CSGALNACT1: variants seen among roughly 807,000 people sequenced by gnomAD.
The protein encoded by CSGALNACT1 is chondroitin sulfate N-acetylgalactosaminyltransferase 1.
CSGALNACT1 carries 52 observed loss-of-function variants against 51.0 expected under a neutral mutation model. The ratio of observed to expected loss-of-function variants is 1.02; its 90% CI spans 0.82 to 1.29. The LOEUF is 1.29. Ranked by LOEUF, CSGALNACT1 falls within the 50% of genes most tolerant of loss-of-function variation. The pLI is 0.00. For synonymous variants in CSGALNACT1, 341 were observed against 254.4 expected, an observed-to-expected ratio of 1.34 and a Z score of -3.24; for missense variants, 935 against 679.2, an observed-to-expected ratio of 1.38 and a Z score of -4.19.
At chr8:19,682,719 C>A, upstream of CSGALNACT1, 1 of 454,108 alleles carries the variant, frequency 2.2e-6, no homozygotes, top group South Asian at 1.6e-5. Flanking sequence ...GGGGCCACAC[C>A]AATGCACAGC....
chr8:19,680,999 T>C (rs1362836497), intron 1 of CSGALNACT1, among the ~76,000 whole-genome samples: 2 of 152,126 alleles, frequency 1.3e-5, no homozygotes, highest in Non-Finnish European at 2.9e-5. Context: ...ACAGACTGTA[T>C]ACAAGACGAT....
chr8:19,619,412 T>C lies in CSGALNACT1; in HGVS notation c.-543-17547A>G, dbSNP rs138513183. ...GAACCTCTGCGAAGGGATGGAGCCA[T>C]GTCCTAAGTGCAATGGAGTCGCAAA... On this transcript the variant is annotated intron_variant, in intron 1 of 9. Coordinates refer to the CSGALNACT1 transcript ENST00000332246. 8.7e-3 allele frequency among the ~76,000 whole-genome samples: 1,318 copies of C among 152,164 alleles called. 21 individuals carry two copies. The highest frequency in any genetic ancestry group is 0.03 in the African/African-American group (1,244 of 41,502).
At chr8:19,423,072 A>T (rs939902895) in intron 6 of CSGALNACT1, among the ~76,000 whole-genome samples, 2 of 152,198 alleles carry the variant, frequency 1.3e-5, no homozygotes, top group Non-Finnish European at 2.9e-5. Context: ...CTGACTCATA[A>T]TTCAGGTACC....
At chr8:19,560,747 G>A (rs2040522435) in intron 3 of CSGALNACT1, among the ~76,000 whole-genome samples, 1 of 152,182 alleles carries the variant, frequency 6.6e-6, no homozygotes, top group South Asian at 2.1e-4. Flanking sequence ...AACACCACTT[G>A]GAACACAGGA....
At chr8:19,703,112 C>T (rs1275990683) in intron 1 of CSGALNACT1, among the ~76,000 whole-genome samples, 2 of 152,084 alleles carry the variant, frequency 1.3e-5, no homozygotes, top group Non-Finnish European at 2.9e-5. Context: ...AGTGTCCCTC[C>T]AATAGGATGC....
intron 4 of CSGALNACT1, among the ~76,000 whole-genome samples, chr8:19,487,256 A>G (rs949556484): frequency 9.9e-5 from 15 of 152,074 alleles, no homozygotes; most frequent in African/African-American, 3.4e-4. Context: ...AAGACAAACA[A>G]TTTCACTCCC....
At chr8:19,600,021 T>C (rs2050056128) in intron 2 of CSGALNACT1, among the ~76,000 whole-genome samples, 1 of 152,200 alleles carries the variant, frequency 6.6e-6, no homozygotes, top group Non-Finnish European at 1.5e-5. Flanking sequence ...GTTAAACATA[T>C]CCTTCATAGA....
chr8:19,431,057 T>G (rs1336626608), intron 6 of CSGALNACT1, among the ~76,000 whole-genome samples: 2 of 152,174 alleles, frequency 1.3e-5, no homozygotes, highest in African/African-American at 4.8e-5. Context: ...GAATTTGTTC[T>G]TAGCTCTAAT....
chr8:19,739,694 T>C (rs1372274483), intron 1 of CSGALNACT1, among the ~76,000 whole-genome samples: 1 of 152,184 alleles, frequency 6.6e-6, no homozygotes, highest in East Asian at 1.9e-4. Context: ...CGTGATGTGA[T>C]GGCTGGAGCT....
At chr8:19,721,514 A>C (rs563198526) in intron 1 of CSGALNACT1, among the ~76,000 whole-genome samples, 1 of 152,234 alleles carries the variant, frequency 6.6e-6, no homozygotes, top group Non-Finnish European at 1.5e-5. Flanking sequence ...ATAATCATAA[A>C]GCCTGATGGA....
At chr8:19,522,590 A>T (rs144115933) in intron 3 of CSGALNACT1, among the ~76,000 whole-genome samples, 339 of 152,302 alleles carry the variant, frequency 2.2e-3, no homozygotes, top group Non-Finnish European at 3.6e-3. Flanking sequence ...AATAGATTCC[A>T]TAGTTGTACA....
In CSGALNACT1 at chr8:19,732,150, A is replaced by T. The variant is rs2063726802; in HGVS notation, c.-297+25700T>A. Among the ~76,000 whole-genome samples, 5 of 152,186 alleles carry T rather than the reference A, an allele frequency of 3.3e-5. No homozygotes were observed. In the South Asian group the frequency reaches 1.0e-3, roughly 31 times the overall value. On this transcript the variant is annotated intron_variant, in intron 1 of 1. Transcript: ENST00000517494. Reference sequence around the variant, plus strand: ...AATCAGTTCTCCCTTTTTTCTAGAAATTAGTGTGCTTAAAACGGCACGTTA... The same window carrying T: ...AATCAGTTCTCCCTTTTTTCTAGAATTTAGTGTGCTTAAAACGGCACGTTA...
intron 3 of CSGALNACT1, among the ~76,000 whole-genome samples, chr8:19,576,829 T>G (rs2154117030): frequency 6.6e-6 from 1 of 152,234 alleles, no homozygotes; most frequent in Middle Eastern, 3.4e-3. Context: ...GATCATGAAT[T>G]TGAGGAGGCT....
rs1411740336 is a variant in CSGALNACT1 at position 19,666,924 on chromosome 8, A to AG, written c.-544+15548dup. On this transcript the variant is annotated intron_variant, in intron 1 of 9. Transcript: ENST00000332246. ...GAGGAAGGGAGGAAGGGAGGAAGGGAGAGACAGAGAGAGAGAGAAAAAGAA... is the reference window on the plus strand; with the variant it reads ...GAGGAAGGGAGGAAGGGAGGAAGGGAGGAGACAGAGAGAGAGAGAAAAAGAA... 2.3e-3 allele frequency among the ~76,000 whole-genome samples: 324 copies of AG among 139,142 alleles called. 19 individuals carry two copies. The highest frequency in any genetic ancestry group is 8.6e-3 in the African/African-American group (303 of 35,344). 91.3% of individuals were successfully genotyped at this position (139,142 alleles called of 152,430 possible).
chr8:19,427,679 T>C (rs915387347), intron 6 of CSGALNACT1, among the ~76,000 whole-genome samples: 1 of 152,066 alleles, frequency 6.6e-6, no homozygotes, highest in East Asian at 1.9e-4. Context: ...TCCCAGCTAC[T>C]TGGGAGGCTG....
At chr8:19,462,855 G>A (rs1049948670) in intron 4 of CSGALNACT1, among the ~76,000 whole-genome samples, 2 of 151,716 alleles carry the variant, frequency 1.3e-5, no homozygotes, top group African/African-American at 2.4e-5. Flanking sequence ...ACATGTGTAG[G>A]TTTGTTACAC....
At chr8:19,426,631 A>G (rs1453700141) in intron 6 of CSGALNACT1, among the ~76,000 whole-genome samples, 1 of 152,206 alleles carries the variant, frequency 6.6e-6, no homozygotes, top group East Asian at 1.9e-4. Flanking sequence ...TGTATTATCA[A>G]CTGACAAAAC....
At chr8:19,575,719 A>G (rs1167096463) in intron 3 of CSGALNACT1, among the ~76,000 whole-genome samples, 1 of 152,216 alleles carries the variant, frequency 6.6e-6, no homozygotes, top group African/African-American at 2.4e-5. Context: ...AGTATAAACA[A>G]AAGTATTTAC....
At chr8:19,537,249 G>C (rs1327764910) in intron 3 of CSGALNACT1, among the ~76,000 whole-genome samples, 1 of 152,106 alleles carries the variant, frequency 6.6e-6, no homozygotes, top group Non-Finnish European at 1.5e-5. Flanking sequence ...CTTCTTTGCA[G>C]TTTTGATGGG....
Sources: allele counts gnomAD v4.1 joint callset (sites outside exome capture counted in the v4.1 genomes callset), GRCh38; gene constraint gnomAD v4.1.1; transcripts MANE v1.5; gene names NCBI Gene and HGNC (gene_info 2026-07-23, HGNC 2026-07-21).